Variants in AVEN observed in about 807,000 individuals in gnomAD.
The protein encoded by AVEN is cell death regulator Aven.
A neutral mutation model predicts 38.1 loss-of-function variants in AVEN; 41 were observed. The observed-to-expected ratio is 1.08, with a 90% CI of 0.84 to 1.40. AVEN has a LOEUF of 1.40. AVEN is among the 40% of genes most tolerant of loss of function. AVEN has a pLI of 0.00. For synonymous variants in AVEN, 206 were observed against 171.8 expected (o/e 1.20, Z -1.56); for missense variants, 605 against 438.8 (o/e 1.38, Z -3.38).
intron 2 of AVEN, among the ~76,000 whole-genome samples, chr15:34,068,459 G>C (rs1900560793): frequency 6.6e-6 from 1 of 151,978 alleles, no homozygotes; most frequent in South Asian, 2.1e-4. Flanking sequence ...CACCCGATTT[G>C]GCCTGGCAAA....
downstream of AVEN, chr15:33,865,127 T>G (rs752643586): frequency 3.1e-6 from 5 of 1,609,122 alleles, no homozygotes; most frequent in Admixed American, 3.3e-5. Flanking sequence ...TCATATTATT[T>G]CAGGAATCTT....
Position 33,908,513 on chromosome 15 carries a change from A to ATCTCT in AVEN, c.446-32519_446-32518insAGAGA, listed in dbSNP as rs1892793256. ...GGGCAAATAGGTTATTCCCATGAGAACTCACCCCGAACCCTGGCAACTACC... is the reference window on the plus strand; with the variant it reads ...GGGCAAATAGGTTATTCCCATGAGAATCTCTCTCACCCCGAACCCTGGCAACTACC... On this transcript the variant is annotated intron_variant, in intron 2 of 5. Coordinates refer to ENST00000306730, the MANE Select transcript of AVEN (RefSeq NM_020371.3). 8.4e-5 allele frequency among the ~76,000 whole-genome samples: 3 copies of ATCTCT among 35,874 alleles called. 1 individual carries two copies. In the Admixed American group the frequency reaches 1.0e-3, roughly 12 times the overall value. 23.5% of individuals were successfully genotyped at this position (35,874 alleles called of 152,430 possible). A position where few individuals can be genotyped will look rare whatever the true frequency, so the allele number is the denominator to read the frequency against.
chr15:34,035,035 G>A (rs1163684623), intron 1 of AVEN, among the ~76,000 whole-genome samples: 1 of 152,184 alleles, frequency 6.6e-6, no homozygotes, highest in Non-Finnish European at 1.5e-5. Flanking sequence ...TAACTGATCT[G>A]ACACCATTTC....
At position 34,038,832 on chromosome 15, in the gene AVEN, G is replaced by A; in HGVS notation, c.215C>T (p.Pro72Leu). The change falls in exon 1 of 6, where the codon CCG becomes CTG. Residue 72 changes from proline (P) to leucine (L), a missense_variant. By Grantham distance (98) the Pro-to-Leu change is moderately conservative. Transcript: ENST00000306730. Reference protein sequence around the residue: ...ARGGRGGGGAPRGSRREPGGW... With the variant: ...ARGGRGGGGALRGSRREPGGW... ...TCCCGGCTCCCGGCGGCTGCCTCGC[G>A]GGGCGCCTCCTCCTCCTCGGCCTCC... 1 of 1,189,226 alleles carries A rather than the reference G, an allele frequency of 8.4e-7. No individual in the cohort carries two copies. Among genetic ancestry groups the A allele is most frequent in the African/African-American group, 1.6e-5 (1 of 61,306 alleles). The allele number at this position is 1,189,226 out of a possible 1,614,324, so 73.7% of individuals were successfully genotyped here.
chr15:34,010,289 C>A (rs140846776), intron 1 of AVEN, among the ~76,000 whole-genome samples: 3 of 152,004 alleles, frequency 2.0e-5, no homozygotes, highest in African/African-American at 7.2e-5. Context: ...ATTTGGACAA[C>A]CTTATTCATT....
At chr15:33,911,391 G>GC (rs1234328121) in intron 2 of AVEN, among the ~76,000 whole-genome samples, 1 of 152,066 alleles carries the variant, frequency 6.6e-6, no homozygotes, top group African/African-American at 2.4e-5. Context: ...TTTGTTCCCT[G>GC]CCCCCCTCCT....
At chr15:33,937,932 C>CAAAAAAAAAAAAA (rs55887919) in intron 2 of AVEN, among the ~76,000 whole-genome samples, 7 of 100,854 alleles carry the variant, frequency 6.9e-5, no homozygotes, top group African/African-American at 1.0e-4. Flanking sequence ...CCTACTTGAC[C>CAAAAAAAAAAAAA]AAAAAAAAAA....
chr15:34,043,004 T>C (rs982205360), upstream of AVEN, among the ~76,000 whole-genome samples: 24 of 151,894 alleles, frequency 1.6e-4, no homozygotes, highest in African/African-American at 4.8e-5. Flanking sequence ...TCCCAGCACT[T>C]TGGGAGGCCG....
intron 5 of AVEN, among the ~76,000 whole-genome samples, chr15:34,046,274 C>T (rs1242574109): frequency 1.4e-5 from 2 of 146,372 alleles, no homozygotes; most frequent in Non-Finnish European, 3.0e-5. Flanking sequence ...TGTTCCAAAT[C>T]TTTTTGTGGA....
chr15:33,875,872 G>GC, intron 3 of AVEN, 53 bp downstream of exon 3: 1 of 1,484,122 alleles, frequency 6.7e-7, no homozygotes, highest in Admixed American at 1.7e-5. Context: ...AAAGGTGTTA[G>GC]CCTTCAGCCT....
chr15:33,892,736 G>GT (rs35922662), intron 2 of AVEN, among the ~76,000 whole-genome samples: 1 of 150,454 alleles, frequency 6.6e-6, no homozygotes, highest in Admixed American at 6.6e-5. Context: ...CTTTAAAGTA[G>GT]TTTTTTTTTT....
At chr15:33,927,183 A>C (rs1162348741) in intron 2 of AVEN, among the ~76,000 whole-genome samples, 1 of 151,786 alleles carries the variant, frequency 6.6e-6, no homozygotes, top group Non-Finnish European at 1.5e-5. Context: ...TGAACCCGAG[A>C]GGTGGAGCTT....
chr15:34,023,640 TG>T (rs142708596), intron 1 of AVEN, among the ~76,000 whole-genome samples: 10 of 152,326 alleles, frequency 6.6e-5, no homozygotes, highest in Non-Finnish European at 1.3e-4. Context: ...CTCTGACCTC[TG>T]GAACACTGTC....
chr15:33,904,712 T>TACACACACAC (rs1394478053), intron 2 of AVEN, among the ~76,000 whole-genome samples: 74 of 138,226 alleles, frequency 5.4e-4, no homozygotes, highest in Admixed American at 1.4e-3. Context: ...TATATATATA[T>TACACACACAC]ATATACACAC....
At chr15:33,864,185 G>A, downstream of AVEN, 1 of 1,610,620 alleles carries the variant, frequency 6.2e-7, no homozygotes, top group Non-Finnish European at 8.5e-7. Context: ...GAGCACACGG[G>A]TCAGGTGAGA....
At chr15:33,898,621 T>C (rs35399731) in intron 2 of AVEN, among the ~76,000 whole-genome samples, 81,087 of 151,830 alleles carry the variant, frequency 0.53, 24,070 homozygotes, top group Non-Finnish European at 0.66. Flanking sequence ...GTCATTGAAC[T>C]GGGACACACC....
At chr15:34,068,513 T>A (rs189790697) in intron 2 of AVEN, among the ~76,000 whole-genome samples, 16 of 152,110 alleles carry the variant, frequency 1.1e-4, no homozygotes, top group African/African-American at 3.4e-4. Context: ...GACCTTAGAG[T>A]GTGTATTTCT....
intron 2 of AVEN, among the ~76,000 whole-genome samples, chr15:33,962,560 A>G (rs1895229439): frequency 6.6e-6 from 1 of 152,152 alleles, no homozygotes; most frequent in African/African-American, 2.4e-5. Context: ...AGGAATCATC[A>G]TATTTTCCCT....
chr15:33,888,908 C>T (rs1196780123), intron 2 of AVEN, among the ~76,000 whole-genome samples: 9 of 151,986 alleles, frequency 5.9e-5, no homozygotes, highest in Non-Finnish European at 1.3e-4. Flanking sequence ...CATGCCACCA[C>T]GCCCAGCTAA....
Sources: gnomAD v4.1 joint callset for allele counts (sites outside exome capture counted in the v4.1 genomes callset) on GRCh38, gnomAD v4.1.1 for gene constraint, MANE v1.5 for transcripts, NCBI Gene and HGNC (gene_info 2026-07-23, HGNC 2026-07-21) for gene names.